The following PCDH15 variants were observed in gnomAD, a reference collection of about 807,000 sequenced individuals.
PCDH15 encodes protocadherin-15.
A neutral mutation model predicts 178.5 loss-of-function variants in PCDH15; 129 were observed. The ratio of observed to expected loss-of-function variants is 0.72; its 90% CI spans 0.63 to 0.84. PCDH15 has a LOEUF of 0.84. Among genes scored for constraint, PCDH15 ranks in the 40% least tolerant of loss-of-function variants. PCDH15 has a pLI of 0.00. For synonymous variants in PCDH15, 800 were observed against 732.0 expected, an observed-to-expected ratio of 1.09 and a Z score of -1.50; for missense variants, 2,230 against 2,099.9, an observed-to-expected ratio of 1.06 and a Z score of -1.21.
chr10:54,183,551 C>T lies in PCDH15; in HGVS notation c.1483G>A (p.Val495Ile), dbSNP rs187727835. 108 of 1,613,962 alleles carry T rather than the reference C, an allele frequency of 6.7e-5. No homozygotes were observed. The highest frequency in any genetic ancestry group is 5.6e-4 in the East Asian group (25 of 44,828). Residue 495 changes from valine (V) to isoleucine (I), a missense_variant, in exon 13 of 38, where the codon GTC (valine) becomes ATC (isoleucine). Coordinates refer to ENST00000644397, the MANE Select transcript of PCDH15 (RefSeq NM_001384140.1). Reference protein sequence around the residue: ...DGVQESEPVIVNIQVMDANDN... With the variant: ...DGVQESEPVIINIQVMDANDN... ...TTTGCATCCATCACTTGAATATTGA[C>T]GATGACTGGCTCACTTTCTTGTACA...
chr10:54,553,410 T>A (rs778189861), intron 2 of PCDH15, among the ~76,000 whole-genome samples: 9 of 152,222 alleles, frequency 5.9e-5, no homozygotes, highest in Non-Finnish European at 8.8e-5. Context: ...TTTTATTTTG[T>A]CTAATGGGAA....
chr10:54,140,315 T>C (rs1303610677), intron 14 of PCDH15, among the ~76,000 whole-genome samples: 1 of 152,174 alleles, frequency 6.6e-6, no homozygotes, highest in Admixed American at 6.5e-5. Context: ...AGAAAATGTA[T>C]AGTGGTACTG....
At position 54,953,347 on chromosome 10, in the gene PCDH15, G is replaced by A. The variant is rs190644977; in HGVS notation, c.-79-55847C>T. ...TAATTAGCTTTTGAATATTGATGCA[G>A]AATTGAGTATATGAAATAAATCCCA... On this transcript the variant is annotated intron_variant, in intron 2 of 5. Transcript: ENST00000458638. Among the ~76,000 whole-genome samples, 59 of 151,434 alleles carry A rather than the reference G, an allele frequency of 3.9e-4. 1 individual carries two copies. Among genetic ancestry groups the A allele is most frequent in the African/African-American group, 1.4e-3 (56 of 41,432 alleles).
intron 2 of PCDH15, among the ~76,000 whole-genome samples, chr10:55,126,121 C>T (rs1210019553): frequency 1.3e-5 from 2 of 152,022 alleles, no homozygotes; most frequent in African/African-American, 4.8e-5. Flanking sequence ...CCCTTTCCTG[C>T]TGCAACTCTG....
intron 2 of PCDH15, among the ~76,000 whole-genome samples, chr10:55,468,731 G>A (rs1839892931): frequency 6.6e-6 from 1 of 152,104 alleles, no homozygotes; most frequent in South Asian, 2.1e-4. Context: ...TTTCATTTGA[G>A]ATTTATAGGT....
At chr10:54,321,774 T>A (rs1419277130) in intron 7 of PCDH15, among the ~76,000 whole-genome samples, 4 of 151,920 alleles carry the variant, frequency 2.6e-5, no homozygotes. Context: ...GGGAAAGATA[T>A]TGCTTACAAA....
intron 2 of PCDH15, among the ~76,000 whole-genome samples, chr10:55,452,757 A>C (rs1033697652): frequency 6.6e-6 from 1 of 152,154 alleles, no homozygotes; most frequent in Non-Finnish European, 1.5e-5. Flanking sequence ...TAATCATATT[A>C]ATAGGCACAA....
At position 53,938,952 on chromosome 10, in the gene PCDH15, G is replaced by T; in HGVS notation, c.3236C>A (p.Thr1079Lys). The change falls in exon 25 of 38, where the codon ACA becomes AAA. Residue 1079 changes from threonine (T) to lysine (K), a missense_variant. By Grantham distance (78) the Thr-to-Lys change is moderately conservative. Coordinates refer to ENST00000644397, the MANE Select transcript of PCDH15 (RefSeq NM_001384140.1). ...ACCTGTGATGTTATTAATTCCAAAT[G>T]TATCTAGAAATTAAAATACAATTAC... ...YSIVSGNEEDTFGINNITGVI... is the reference protein window; with the variant it reads ...YSIVSGNEEDKFGINNITGVI... 1 of 1,612,056 alleles carries T rather than the reference G, an allele frequency of 6.2e-7. No homozygotes were observed. The highest frequency in any genetic ancestry group is 8.5e-7 in the Non-Finnish European group (1 of 1,178,546).
At chr10:53,980,844 T>A (rs1024952578) in intron 21 of PCDH15, among the ~76,000 whole-genome samples, 6 of 152,190 alleles carry the variant, frequency 3.9e-5, no homozygotes, top group Non-Finnish European at 8.8e-5. Flanking sequence ...ATTTATGACA[T>A]CTATTATAAA....
intron 2 of PCDH15, among the ~76,000 whole-genome samples, chr10:55,118,433 C>G (rs376605376): frequency 6.6e-6 from 1 of 152,256 alleles, no homozygotes. Context: ...GAAGACTGGA[C>G]TATGACATTC....
chr10:55,479,423 AT>A (rs774434914), intron 2 of PCDH15, among the ~76,000 whole-genome samples: 2 of 151,624 alleles, frequency 1.3e-5, no homozygotes, highest in South Asian at 2.1e-4. Context: ...AAGAAAAAGC[AT>A]TTGATAAAAA....
Position 55,380,217 on chromosome 10 carries a change from C to A in PCDH15, c.-155-213566G>T, listed in dbSNP as rs1050213316. Among the ~76,000 whole-genome samples, 7 of 152,086 alleles carry A rather than the reference C, an allele frequency of 4.6e-5. No homozygotes were observed. The East Asian group carries it at 1.2e-3, about 25-fold the overall frequency. On this transcript the variant is annotated intron_variant, in intron 2 of 5. Coordinates refer to the PCDH15 transcript ENST00000613346. ...AGAGAGTAAATGGTGTAACAGTCAT[C>A]CAAAGAATATTCAGTGGGCAAAAAT... is the stretch of plus-strand genomic sequence containing the variant.
intron 2 of PCDH15, among the ~76,000 whole-genome samples, chr10:55,348,632 G>C (rs1301604305): frequency 6.6e-6 from 1 of 152,142 alleles, no homozygotes; most frequent in African/African-American, 2.4e-5. Context: ...TGAAATATAA[G>C]AAGACTATCT....
chr10:54,913,175 G>A (rs1291551063), intron 2 of PCDH15, among the ~76,000 whole-genome samples: 1 of 152,198 alleles, frequency 6.6e-6, no homozygotes, highest in African/African-American at 2.4e-5. Context: ...TAGTAGCCAA[G>A]ACAATGGGGA....
intron 2 of PCDH15, among the ~76,000 whole-genome samples, chr10:55,416,813 G>C (rs1208397330): frequency 6.6e-6 from 1 of 151,770 alleles, no homozygotes; most frequent in South Asian, 2.1e-4. Context: ...ATCTAAGCTA[G>C]TGTCTGTCAC....
At chr10:54,876,683 G>C (rs1564594270) in intron 3 of PCDH15, among the ~76,000 whole-genome samples, 1 of 152,162 alleles carries the variant, frequency 6.6e-6, no homozygotes, top group Non-Finnish European at 1.5e-5. Context: ...TAGAAGCAGA[G>C]CTCGAAGAGG....
intron 2 of PCDH15, among the ~76,000 whole-genome samples, chr10:55,444,110 A>G (rs1211451224): frequency 2.6e-5 from 4 of 151,486 alleles, no homozygotes; most frequent in Non-Finnish European, 5.9e-5. Context: ...CAGGGAGAGG[A>G]ACATCACACA....
At chr10:53,812,383 A>T (rs1317833143) in intron 35 of PCDH15, among the ~76,000 whole-genome samples, 1 of 147,082 alleles carries the variant, frequency 6.8e-6, no homozygotes, top group Non-Finnish European at 1.5e-5. Flanking sequence ...AAATTTTTGT[A>T]TTTTTTTTTT....
intron 11 of PCDH15, among the ~76,000 whole-genome samples, chr10:54,188,626 G>GA (rs1564634496): frequency 6.6e-6 from 1 of 151,506 alleles, no homozygotes; most frequent in Non-Finnish European, 1.5e-5. Flanking sequence ...CATAAAAACA[G>GA]AAAAAAATGC....
Sources: gnomAD v4.1 joint callset for allele counts (sites outside exome capture counted in the v4.1 genomes callset) on GRCh38, gnomAD v4.1.1 for gene constraint, MANE v1.5 for transcripts, NCBI Gene and HGNC (gene_info 2026-07-23, HGNC 2026-07-21) for gene names.